The following SEC23B variants were observed in gnomAD, a reference collection of about 807,000 sequenced individuals.
SEC23B encodes the protein SEC23 homolog B, COPII component, also known as protein transport protein Sec23B.
Under a neutral mutation model 104.3 loss-of-function variants are expected in SEC23B, and 77 were observed. That is an observed-to-expected ratio of 0.74 (90% CI 0.61 to 0.89). SEC23B has a LOEUF of 0.89. SEC23B is among the 40% of genes least tolerant of loss of function. The pLI, the probability that SEC23B is intolerant of heterozygous loss-of-function variation, is 0.00. For missense variants in SEC23B, 885 were observed against 949.4 expected (o/e 0.93, Z 0.89); for synonymous variants, 338 against 332.5 (o/e 1.02, Z -0.18).
chr20:18,540,701 C>G (rs777852197), intron 12 of SEC23B, among the ~76,000 whole-genome samples: 1 of 152,124 alleles, frequency 6.6e-6, no homozygotes, highest in Non-Finnish European at 1.5e-5. Context: ...ACCAAAAATA[C>G]AGAAATTAGC....
intron 17 of SEC23B, among the ~76,000 whole-genome samples, chr20:18,552,545 A>G (rs1401158732): frequency 6.6e-6 from 1 of 152,204 alleles, no homozygotes. Context: ...CGGGTGTGGT[A>G]GTTCATGCCT....
intron 16 of SEC23B, among the ~76,000 whole-genome samples, chr20:18,550,064 C>CTATGTATATAAATATGTATATGATTATA (rs1568622556): frequency 6.8e-6 from 1 of 146,460 alleles, no homozygotes; most frequent in East Asian, 2.0e-4. Context: ...TATATAAGAA[C>CTATGTATATAAATATGTATATGATTATA]TATGTATATA....
In SEC23B at chr20:18,530,681, G is replaced by C; in HGVS notation, c.1111G>C (p.Gly371Arg). 6.2e-7 allele frequency: 1 copy of C among 1,611,690 alleles called. No individual in the cohort carries two copies. The highest frequency in any genetic ancestry group is 1.1e-5 in the South Asian group (1 of 91,002). ...CTTGATTTTTTTCTTCTTACCTAGA[G>C]GCTACATGGTAATGGGAGATTCTTT... Reference protein sequence around the residue: ...EMKCCANLTGGYMVMGDSFNT... With the variant: ...EMKCCANLTGRYMVMGDSFNT... Residue 371 changes from glycine to arginine, a missense_variant and splice_region_variant, in exon 10 of 20, where the codon GGC (glycine) becomes CGC (arginine). Gly to Arg is a moderately radical substitution (Grantham distance 125). Transcript: ENST00000650089.
intron 19 of SEC23B, among the ~76,000 whole-genome samples, chr20:18,557,133 G>A (rs1214951664): frequency 6.6e-6 from 1 of 152,182 alleles, no homozygotes; most frequent in Non-Finnish European, 1.5e-5. Context: ...TAGGGCTTAA[G>A]TGTGCCATTT....
chr20:18,547,780 G>A (rs4814762), intron 15 of SEC23B, among the ~76,000 whole-genome samples: 101,716 of 151,758 alleles, frequency 0.67, 35,820 homozygotes, highest in Non-Finnish European at 0.8. Flanking sequence ...CTCGTAGCCC[G>A]AGTGTGCCTT....
In SEC23B at chr20:18,542,358, C is replaced by A. The variant is rs2273526; in HGVS notation, c.1467C>A (p.His489Gln). Residue 489 changes from histidine (H) to glutamine (Q), a missense_variant, in exon 13 of 20, where the codon CAC becomes CAA. By Grantham distance (24) the His-to-Gln change is conservative. Coordinates refer to ENST00000650089, the MANE Select transcript of SEC23B (RefSeq NM_006363.6). ...GAIQFVTHYQ[H>Q]SSTQRRIRVT... ...TCCAGTTTGTCACGCATTATCAGCACTCCAGCACCCAGAGACGCATCCGCG... is the reference window on the plus strand; with the variant it reads ...TCCAGTTTGTCACGCATTATCAGCAATCCAGCACCCAGAGACGCATCCGCG... 1 of 1,614,160 alleles carries A rather than the reference C, an allele frequency of 6.2e-7. No homozygotes were observed. The highest frequency in any genetic ancestry group is 8.5e-7 in the Non-Finnish European group (1 of 1,180,032).
At chr20:18,548,535 G>T in intron 15 of SEC23B, 74 bp from the exon 16 acceptor site, 1 of 1,455,096 alleles carries the variant, frequency 6.9e-7, no homozygotes, top group South Asian at 1.2e-5. Flanking sequence ...AGAGCCCTGA[G>T]GTAGATCTAC....
rs575275504 is a variant in SEC23B at position 18,522,134 on chromosome 20, G to A, written c.367-2299G>A. 2.0e-5 allele frequency among the ~76,000 whole-genome samples: 3 copies of A among 152,312 alleles called. No homozygotes were observed. In the East Asian group the frequency reaches 5.8e-4, roughly 29 times the overall value. On this transcript the variant is annotated intron_variant, in intron 4 of 19. Transcript: ENST00000650089. ...ACATAGTGAAGGAGGTAAGTTTAAA[G>A]AGAAGGGTAGAGACACGGAGTAGGG...
At chr20:18,511,401 A>G (rs1319112002) in intron 2 of SEC23B, among the ~76,000 whole-genome samples, 1 of 152,154 alleles carries the variant, frequency 6.6e-6, no homozygotes, top group East Asian at 1.9e-4. Flanking sequence ...AAGAATTCGA[A>G]AGCTTAGACC....
At chr20:18,519,595 G>A (rs1246178776) in intron 4 of SEC23B, among the ~76,000 whole-genome samples, 1 of 152,184 alleles carries the variant, frequency 6.6e-6, no homozygotes, top group Admixed American at 6.5e-5. Context: ...CACTTAGGCT[G>A]TGTGTAATGA....
At chr20:18,509,415 G>GA (rs2059961727) in intron 1 of SEC23B, among the ~76,000 whole-genome samples, 1 of 152,206 alleles carries the variant, frequency 6.6e-6, no homozygotes, top group Non-Finnish European at 1.5e-5. Context: ...TAATTTGATA[G>GA]ACTCTTTAAT....
At chr20:18,554,974 AATTAGATTACTGTGCAGTAAAACAATTC>A in intron 18 of SEC23B, 106 bp from the exon 19 acceptor site, 61 of 151,292 alleles carry the variant, frequency 4.0e-4, no homozygotes, top group South Asian at 7.5e-4. Flanking sequence ...AAACAATTCT[AATTAGATTACTGTGCAGTAAAACAATTC>A]TAATTTAACC....
chr20:18,555,317 G>A, intron 19 of SEC23B, 144 bp downstream of exon 19: 3 of 712,884 alleles, frequency 4.2e-6, no homozygotes, highest in East Asian at 2.8e-5. Context: ...TGGCGGGGAG[G>A]GAAACAAGTT....
Position 18,524,433 on chromosome 20 carries a change from C to G in SEC23B, c.367C>G (p.Arg123Gly), listed in dbSNP as rs775380378. 6.2e-7 allele frequency: 1 copy of G among 1,610,934 alleles called. No homozygotes were observed. The highest frequency in any genetic ancestry group is 8.5e-7 in the Non-Finnish European group (1 of 1,177,236). ...TTATGCTGTTTTTCTTTGCCCAAAGCGAGGTGCTCAGTCCCCTCTGATCTT... is the reference window on the plus strand; with the variant it reads ...TTATGCTGTTTTTCTTTGCCCAAAGGGAGGTGCTCAGTCCCCTCTGATCTT... ...QFSTIEYVIQ[R>G]GAQSPLIFLY... Residue 123 changes from arginine to glycine, a missense_variant and splice_region_variant, in exon 5 of 20, where the codon CGA becomes GGA. Transcript: ENST00000650089.
At chr20:18,540,175 G>T (rs2060274877) in intron 12 of SEC23B, among the ~76,000 whole-genome samples, 1 of 152,132 alleles carries the variant, frequency 6.6e-6, no homozygotes, top group African/African-American at 2.4e-5. Flanking sequence ...TCCATCCCAG[G>T]AATCACTAGG....
chr20:18,524,015 T>C (rs1482674026), intron 4 of SEC23B, among the ~76,000 whole-genome samples: 2 of 152,184 alleles, frequency 1.3e-5, no homozygotes, highest in African/African-American at 4.8e-5. Flanking sequence ...GCTCATATGC[T>C]ACTTTCTAAA....
At chr20:18,531,704 A>G (rs557991460) in intron 10 of SEC23B, among the ~76,000 whole-genome samples, 1 of 147,288 alleles carries the variant, frequency 6.8e-6, no homozygotes, top group East Asian at 2.0e-4. Flanking sequence ...TTTCCCATGT[A>G]GGGACTCATG....
intron 15 of SEC23B, among the ~76,000 whole-genome samples, 200 bp downstream of exon 15, chr20:18,546,233 G>A (rs1397810357): frequency 6.6e-6 from 1 of 152,126 alleles, no homozygotes; most frequent in Non-Finnish European, 1.5e-5. Flanking sequence ...GACATGCAGA[G>A]GGGAGAAAAC....
chr20:18,510,928 T>A lies in SEC23B; in HGVS notation c.93T>A (p.Ala31=). ...WNVWPSSRLE[A]TRMVVPLACL... Reference sequence around the variant, plus strand: ...TGTGGCCTTCCAGCCGGCTGGAGGCTACAAGAATGGTTGTACCCCTGGCTT... The same window carrying A: ...TGTGGCCTTCCAGCCGGCTGGAGGCAACAAGAATGGTTGTACCCCTGGCTT... Residue 31 remains alanine, a synonymous_variant, in exon 2 of 20, where the codon GCT becomes GCA. Coordinates refer to ENST00000650089, the MANE Select transcript of SEC23B (RefSeq NM_006363.6). 2.5e-6 allele frequency: 4 copies of A among 1,614,120 alleles called. No individual in the cohort carries two copies. Among genetic ancestry groups the A allele is most frequent in the Non-Finnish European group, 3.4e-6 (4 of 1,179,966 alleles).
Sources: allele counts gnomAD v4.1 joint callset (sites outside exome capture counted in the v4.1 genomes callset), GRCh38; gene constraint gnomAD v4.1.1; transcripts MANE v1.5; gene names NCBI Gene and HGNC (gene_info 2026-07-23, HGNC 2026-07-21).